The following DCT variants were observed in gnomAD, a reference collection of about 807,000 sequenced individuals.
DCT encodes the protein L-dopachrome tautomerase.
In DCT, 47 loss-of-function variants were observed where a neutral mutation model predicts 53.0. That is an observed-to-expected ratio of 0.89 (90% CI 0.70 to 1.13). The LOEUF (loss-of-function observed/expected upper bound fraction) is 1.13. Among genes scored for constraint, DCT ranks in the 50% most tolerant of loss-of-function variants. The probability of loss-of-function intolerance (pLI) is 0.00; values close to 1 mark genes in which losing one functional copy is unlikely to be tolerated. For missense variants in DCT, 669 were observed against 637.4 expected (o/e 1.05, Z -0.53); for synonymous variants, 244 against 237.0 (o/e 1.03, Z -0.27).
At chr13:94,457,291 A>C (rs976416523) in intron 6 of DCT, among the ~76,000 whole-genome samples, 1 of 152,188 alleles carries the variant, frequency 6.6e-6, no homozygotes, top group Non-Finnish European at 1.5e-5. Flanking sequence ...GAAAGAGGTA[A>C]TTAAGGTTTA....
chr13:94,450,977 T>G (rs1337867331), intron 6 of DCT, among the ~76,000 whole-genome samples: 1 of 152,206 alleles, frequency 6.6e-6, no homozygotes, highest in Non-Finnish European at 1.5e-5. Flanking sequence ...CAATATAGTA[T>G]GCATTTATCC....
In DCT at chr13:94,464,346, T is replaced by C. The variant is rs1037221474; in HGVS notation, c.863+1287A>G. 7.2e-5 allele frequency among the ~76,000 whole-genome samples: 11 copies of C among 152,042 alleles called. No homozygotes were observed. The South Asian group carries it at 1.0e-3, about 14-fold the overall frequency. On this transcript the variant is annotated intron_variant, in intron 4 of 7. Transcript: ENST00000377028. ...AGACAGAGCAGTGGGGTTAAAAACATGGGGATTTTGAGGCCGGGTGAGGTG... is the reference window on the plus strand; with the variant it reads ...AGACAGAGCAGTGGGGTTAAAAACACGGGGATTTTGAGGCCGGGTGAGGTG...
At position 94,468,757 on chromosome 13, in the gene DCT, T is replaced by C. The variant is rs1423882487; in HGVS notation, c.584A>G (p.Asp195Gly). The stretch of plus-strand genomic sequence containing the variant: ...AGGAAAAAACCCACCTAATAATGTA[T>C]CTCTAACAGAATAATAATGGAGCCA... The part of the protein sequence containing the change: ...FVWLHYYSVR[D>G]TLLGPGRPYR... Residue 195 changes from aspartate (D) to glycine (G), a missense_variant, in exon 2 of 8, where the codon GAT becomes GGT. By Grantham distance (94) the Asp-to-Gly change is moderately conservative (BLOSUM62 -1). Transcript: ENST00000377028. The C allele has an allele frequency of 6.2e-7, 1 of 1,613,774 alleles. No individual in the cohort carries two copies. Among genetic ancestry groups the C allele is most frequent in the Non-Finnish European group, 8.5e-7 (1 of 1,179,902 alleles).
At chr13:94,483,487 T>A (rs893242545), upstream of DCT, among the ~76,000 whole-genome samples, 4 of 151,842 alleles carry the variant, frequency 2.6e-5, no homozygotes, top group Admixed American at 1.3e-4. Flanking sequence ...CCTTTTCATT[T>A]TCTTTCATAT....
chr13:94,518,740 C>T, the DCT span, among the ~76,000 whole-genome samples: 1 of 152,320 alleles, frequency 6.6e-6, no homozygotes. Flanking sequence ...GTTTAAAATA[C>T]AAGTTTAATC....
At chr13:94,519,678 T>G in the DCT span, among the ~76,000 whole-genome samples, 1 of 152,222 alleles carries the variant, frequency 6.6e-6, no homozygotes, top group Admixed American at 6.5e-5. Context: ...AGGGACTGCA[T>G]CTGCTGAAGA....
At chr13:94,519,510 A>C in the DCT span, among the ~76,000 whole-genome samples, 1 of 152,036 alleles carries the variant, frequency 6.6e-6, no homozygotes, top group Non-Finnish European at 1.5e-5. Context: ...TATATCAAGA[A>C]GCATATTGAG....
At chr13:94,532,187 G>T in the DCT span, among the ~76,000 whole-genome samples, 1 of 152,206 alleles carries the variant, frequency 6.6e-6, no homozygotes, top group African/African-American at 2.4e-5. Flanking sequence ...CACTGTTGGT[G>T]AGAGTGTAAA....
the DCT span, among the ~76,000 whole-genome samples, chr13:94,488,298 C>T: frequency 1.6e-3 from 238 of 152,230 alleles, 2 homozygotes; most frequent in African/African-American, 5.4e-3. Flanking sequence ...ACCACCTATA[C>T]ATTTGTAAGA....
chr13:94,460,346 T>C, intron 5 of DCT, 120 bp from the exon 6 acceptor site: 2 of 874,650 alleles, frequency 2.3e-6, no homozygotes, highest in South Asian at 1.8e-5. Context: ...TGGGAAGCTC[T>C]GTCATAGCAA....
At chr13:94,482,455 A>T (rs568927174), upstream of DCT, among the ~76,000 whole-genome samples, 3 of 152,268 alleles carry the variant, frequency 2.0e-5, no homozygotes, top group African/African-American at 7.2e-5. Flanking sequence ...CTTCCATGAT[A>T]TTTTAACACG....
chr13:94,499,119 G>A, the DCT span, among the ~76,000 whole-genome samples: 1 of 152,134 alleles, frequency 6.6e-6, no homozygotes, highest in Non-Finnish European at 1.5e-5. Context: ...AATAAATCTT[G>A]CTGTTGCTCA....
the DCT span, among the ~76,000 whole-genome samples, chr13:94,526,697 C>T: frequency 5.3e-5 from 8 of 152,138 alleles, no homozygotes; most frequent in East Asian, 1.9e-4. Context: ...CAGCTCCCAG[C>T]GAGATTGACG....
rs996004702 is a variant in DCT, at chr13:94,479,310, A to G, written c.-55T>C. On this transcript the variant is annotated 5_prime_UTR_variant, in exon 1 of 8. Coordinates refer to ENST00000377028, the MANE Select transcript of DCT (RefSeq NM_001922.5). ...CTCTTACTTTCCTTGTCTCTGTCGT[A>G]CTTTTCTCCTTATCTTCTACTCTTT... is the stretch of plus-strand genomic sequence containing the variant. 2.8e-6 allele frequency: 4 copies of G among 1,415,560 alleles called. No individual in the cohort carries two copies. Among genetic ancestry groups the G allele is most frequent in the Non-Finnish European group, 3.8e-6 (4 of 1,054,792 alleles). 87.7% of individuals were successfully genotyped at this position (1,415,560 alleles called of 1,614,324 possible).
At chr13:94,487,763 C>A in the DCT span, among the ~76,000 whole-genome samples, 1 of 152,100 alleles carries the variant, frequency 6.6e-6, no homozygotes, top group Non-Finnish European at 1.5e-5. Flanking sequence ...TTGATCTATT[C>A]TTTGCTGCCT....
In DCT at chr13:94,479,216, C is replaced by T; in HGVS notation, c.40G>A (p.Gly14Ser). ...LWWGFLLSCLGCKILPGAQGQ... is the reference protein window; with the variant it reads ...LWWGFLLSCLSCKILPGAQGQ... ...TGGGCTCCTGGCAGGATTTTGCAGC[C>T]CAAGCAACTGAGCAGAAACCCCCAC... The change falls in exon 1 of 8, where the codon GGC (glycine) becomes AGC (serine). Residue 14 changes from glycine to serine, a missense_variant. By Grantham distance (56) the Gly-to-Ser change is moderately conservative (BLOSUM62 0). Transcript: ENST00000377028. The T allele has an allele frequency of 6.2e-7, 1 of 1,605,456 alleles. No homozygotes were observed. Among genetic ancestry groups the T allele is most frequent in the Non-Finnish European group, 8.5e-7 (1 of 1,173,046 alleles).
intron 1 of DCT, among the ~76,000 whole-genome samples, chr13:94,475,706 A>G (rs1885028464): frequency 6.6e-6 from 1 of 152,196 alleles, no homozygotes; most frequent in Non-Finnish European, 1.5e-5. Flanking sequence ...AACAAAAACA[A>G]AGAACCACGA....
chr13:94,440,100 C>T (rs1882183038), intron 7 of DCT, 24 bp from the exon 8 acceptor site: 1 of 1,594,050 alleles, frequency 6.3e-7, no homozygotes, highest in Non-Finnish European at 8.5e-7. Context: ...GAAGGGTCTA[C>T]AATCAGGATT....
chr13:94,449,095 C>A (rs1338776981), intron 6 of DCT, among the ~76,000 whole-genome samples: 11 of 149,142 alleles, frequency 7.4e-5, no homozygotes, highest in African/African-American at 2.0e-4. Context: ...AAAAAAAAAA[C>A]AACACTAAAT....
Sources: allele counts gnomAD v4.1 joint callset (sites outside exome capture counted in the v4.1 genomes callset), GRCh38; gene constraint gnomAD v4.1.1; transcripts MANE v1.5; gene names NCBI Gene and HGNC (gene_info 2026-07-23, HGNC 2026-07-21).